The following PID1 variants were observed in gnomAD, a reference collection of about 807,000 sequenced individuals.
PID1 encodes phosphotyrosine interaction domain containing 1.
Under a neutral mutation model 19.1 loss-of-function variants are expected in PID1, and 10 were observed. That is an observed-to-expected ratio of 0.52 (90% CI 0.32 to 0.89). The LOEUF is 0.89. PID1 is among the 40% of genes least tolerant of loss of function. The pLI is 0.03. For missense variants in PID1, 248 were observed against 285.3 expected (o/e 0.87, Z 0.94); for synonymous variants, 130 against 116.0 (o/e 1.12, Z -0.78).
At chr2:229,232,785 AT>A (rs1692240164) in intron 1 of PID1, among the ~76,000 whole-genome samples, 1 of 39,204 alleles carries the variant, frequency 2.6e-5, no homozygotes, top group South Asian at 1.1e-3. Context: ...ACACACACAC[AT>A]AAATATATAT....
chr2:229,270,230 A>T (rs1051561822), intron 1 of PID1, among the ~76,000 whole-genome samples: 7 of 152,252 alleles, frequency 4.6e-5, no homozygotes, highest in Non-Finnish European at 1.0e-4. Context: ...GACTCTTGAC[A>T]ATATTTGCCA....
chr2:229,100,842 T>C (rs953824528), intron 2 of PID1, among the ~76,000 whole-genome samples: 1 of 152,222 alleles, frequency 6.6e-6, no homozygotes. Context: ...TTCCTGCTCT[T>C]ACCTACACCT....
At chr2:229,196,898 C>A (rs1040701759) in intron 1 of PID1, among the ~76,000 whole-genome samples, 1 of 151,940 alleles carries the variant, frequency 6.6e-6, no homozygotes, top group Admixed American at 6.6e-5. Flanking sequence ...ACTATTAGAA[C>A]ATTAAAGTAA....
chr2:229,160,692 A>G (rs565069668), intron 1 of PID1, among the ~76,000 whole-genome samples: 1 of 152,302 alleles, frequency 6.6e-6, no homozygotes, highest in South Asian at 2.1e-4. Flanking sequence ...GAGAGAGACT[A>G]AGAAAATATT....
chr2:229,216,010 G>A (rs1166949538), intron 1 of PID1, among the ~76,000 whole-genome samples: 4 of 152,152 alleles, frequency 2.6e-5, no homozygotes, highest in Non-Finnish European at 5.9e-5. Flanking sequence ...ATACCAGGAG[G>A]AGTTCAGCAA....
chr2:229,257,600 G>T (rs1190191631), intron 1 of PID1, among the ~76,000 whole-genome samples: 1 of 152,144 alleles, frequency 6.6e-6, no homozygotes, highest in Non-Finnish European at 1.5e-5. Flanking sequence ...CACCTCGACA[G>T]AGCCCCAGAC....
chr2:229,065,729 A>AAAAAAAAAAAAAG (rs765746020), intron 2 of PID1, among the ~76,000 whole-genome samples: 4,343 of 139,880 alleles, frequency 0.031, 86 homozygotes, highest in Admixed American at 0.081. Flanking sequence ...AAAAAAAAAA[A>AAAAAAAAAAAAAG]AAACAGGTTG....
rs60513006 is a variant in PID1 at position 229,134,231 on chromosome 2, G to GTTTTTTTTTTTTTTTTT, written c.177+21570_177+21586dup. Among the ~76,000 whole-genome samples the GTTTTTTTTTTTTTTTTT allele has an allele frequency of 4.1e-4, 45 of 109,210 alleles. 1 individual carries two copies. Among genetic ancestry groups the GTTTTTTTTTTTTTTTTT allele is most frequent in the African/African-American group, 1.3e-3 (36 of 27,874 alleles). 71.6% of individuals were successfully genotyped at this position (109,210 alleles called of 152,430 possible). On this transcript the variant is annotated intron_variant, in intron 2 of 2. Coordinates refer to ENST00000392055, the MANE Select transcript of PID1 (RefSeq NM_001100818.2). ...TTCAATAACAATGTTTACTACCTGT[G>GTTTTTTTTTTTTTTTTT]TTTTTTTTTTTTTTTTTTTTTGAGA...
intron 1 of PID1, among the ~76,000 whole-genome samples, chr2:229,229,412 A>C (rs1692155197): frequency 6.6e-6 from 1 of 152,202 alleles, no homozygotes; most frequent in African/African-American, 2.4e-5. Context: ...AATGTTTAAA[A>C]GCAATGTTCT....
intron 2 of PID1, among the ~76,000 whole-genome samples, chr2:229,091,224 AT>A (rs1694870720): frequency 6.6e-6 from 1 of 152,158 alleles, no homozygotes; most frequent in Non-Finnish European, 1.5e-5. Flanking sequence ...TTTTCTAAAA[AT>A]GTATATTAAA....
At chr2:229,166,876 C>CA (rs1332585453) in intron 1 of PID1, among the ~76,000 whole-genome samples, 5 of 150,980 alleles carry the variant, frequency 3.3e-5, no homozygotes, top group African/African-American at 1.2e-4. Context: ...CAACATTAGA[C>CA]AATTTCAGTA....
chr2:229,159,044 G>C (rs1690440661), intron 1 of PID1, among the ~76,000 whole-genome samples: 1 of 152,140 alleles, frequency 6.6e-6, no homozygotes, highest in East Asian at 1.9e-4. Flanking sequence ...GTGATTGTAG[G>C]CAATAATAAC....
chr2:229,212,313 AGAGT>A, intron 1 of PID1, among the ~76,000 whole-genome samples: 1 of 152,228 alleles, frequency 6.6e-6, no homozygotes, highest in Non-Finnish European at 1.5e-5. Context: ...AAGTTCACCA[AGAGT>A]AAGTAGAAAT....
chr2:229,141,969 T>C (rs1690023400), intron 2 of PID1, among the ~76,000 whole-genome samples: 2 of 152,072 alleles, frequency 1.3e-5, no homozygotes, highest in South Asian at 4.2e-4. Context: ...TTCTACTAGC[T>C]GGATAGTCAG....
chr2:229,180,772 C>T (rs571322471), intron 1 of PID1, among the ~76,000 whole-genome samples: 1 of 152,312 alleles, frequency 6.6e-6, no homozygotes, highest in South Asian at 2.1e-4. Flanking sequence ...AACTCCACTA[C>T]GCCCATCTCC....
intron 1 of PID1, among the ~76,000 whole-genome samples, chr2:229,191,030 A>T (rs557928564): frequency 6.6e-6 from 1 of 152,286 alleles, no homozygotes; most frequent in African/African-American, 2.4e-5. Flanking sequence ...GTCTAAAAGG[A>T]TCTTTAGGGG....
At chr2:229,173,379 G>A (rs1690749497) in intron 1 of PID1, among the ~76,000 whole-genome samples, 1 of 152,190 alleles carries the variant, frequency 6.6e-6, no homozygotes, top group Non-Finnish European at 1.5e-5. Flanking sequence ...TAAGAGTCAT[G>A]AAGGCAAACA....
At chr2:229,046,347 A>AGTGTGTGTGTGTGT (rs35091766) in intron 2 of PID1, among the ~76,000 whole-genome samples, 4 of 141,372 alleles carry the variant, frequency 2.8e-5, no homozygotes, top group African/African-American at 8.1e-5. Context: ...AAATTAGGAA[A>AGTGTGTGTGTGTGT]GTGTGTGTGT....
chr2:229,167,795 CTATTT>C (rs1016387659), intron 1 of PID1, among the ~76,000 whole-genome samples: 3 of 152,060 alleles, frequency 2.0e-5, no homozygotes, highest in African/African-American at 7.2e-5. Flanking sequence ...GAAAATTATA[CTATTT>C]TGTCACTATT....
Sources: allele counts gnomAD v4.1 joint callset (sites outside exome capture counted in the v4.1 genomes callset), GRCh38; gene constraint gnomAD v4.1.1; transcripts MANE v1.5; gene names NCBI Gene and HGNC (gene_info 2026-07-23, HGNC 2026-07-21).